ANKS1B: variants seen among roughly 807,000 people sequenced by gnomAD.
ANKS1B encodes ankyrin repeat and sterile alpha motif domain-containing protein 1B.
In ANKS1B, 36 loss-of-function variants were observed where a neutral mutation model predicts 148.3. The ratio of observed to expected loss-of-function variants is 0.24; its 90% CI spans 0.19 to 0.32. The LOEUF (loss-of-function observed/expected upper bound fraction) is 0.32, where lower values mean the gene tolerates loss of function less well. ANKS1B is among the 10% of genes least tolerant of loss of function. The pLI is 1.00. For synonymous variants in ANKS1B, 542 were observed against 560.8 expected (o/e 0.97, Z 0.47); for missense variants, 1,157 against 1,542.6 (o/e 0.75, Z 4.19).
chr12:98,904,581 T>G (rs976092465), intron 17 of ANKS1B, among the ~76,000 whole-genome samples: 4 of 152,238 alleles, frequency 2.6e-5, no homozygotes, highest in African/African-American at 7.2e-5. Context: ...ACTTTTATGT[T>G]CAGCCCTTAA....
At chr12:99,263,185 A>G (rs1197253495) in intron 12 of ANKS1B, among the ~76,000 whole-genome samples, 2 of 152,040 alleles carry the variant, frequency 1.3e-5, no homozygotes, top group East Asian at 3.9e-4. Context: ...GAAGCACATG[A>G]ACAAGGTACC....
At chr12:99,155,715 T>TTAAGA (rs1245793061) in intron 14 of ANKS1B, among the ~76,000 whole-genome samples, 1 of 152,212 alleles carries the variant, frequency 6.6e-6, no homozygotes, top group Non-Finnish European at 1.5e-5. Flanking sequence ...AAACAGACTC[T>TTAAGA]TAAGATTGGG....
intron 15 of ANKS1B, among the ~76,000 whole-genome samples, chr12:99,085,543 A>C (rs757691057): frequency 3.9e-5 from 6 of 152,136 alleles, no homozygotes; most frequent in Admixed American, 1.3e-4. Flanking sequence ...TATATTAGGC[A>C]GGTTAAAAGT....
At chr12:99,893,072 A>G (rs547153219) in intron 1 of ANKS1B, among the ~76,000 whole-genome samples, 4 of 152,212 alleles carry the variant, frequency 2.6e-5, no homozygotes, top group African/African-American at 9.6e-5. Flanking sequence ...TGAGTCATTA[A>G]TTGGTAGAGA....
At position 99,013,183 on chromosome 12, in the gene ANKS1B, GACA is replaced by G. The variant is rs368593872; in HGVS notation, c.2778+39971_2778+39973del. 3.7e-4 allele frequency among the ~76,000 whole-genome samples: 57 copies of G among 152,256 alleles called. No homozygotes were observed. In the East Asian group the frequency reaches 9.3e-3, roughly 25 times the overall value. The stretch of plus-strand genomic sequence containing the variant: ...CACAGTCATTAATCCTGGGTGCCCA[GACA>G]CATTCCATTAGAGGATTTTGGCAAC... On this transcript the variant is annotated intron_variant, in intron 17 of 26. Coordinates refer to ENST00000683438, the MANE Select transcript of ANKS1B (RefSeq NM_001352186.2).
intron 6 of ANKS1B, among the ~76,000 whole-genome samples, chr12:99,779,341 T>A (rs776001265): frequency 6.6e-6 from 1 of 152,226 alleles, no homozygotes; most frequent in Non-Finnish European, 1.5e-5. Flanking sequence ...ACAATTTTTG[T>A]TATTATTGAT....
At chr12:99,253,226 G>GAA (rs1196450299) in intron 12 of ANKS1B, among the ~76,000 whole-genome samples, 1 of 138,950 alleles carries the variant, frequency 7.2e-6, no homozygotes. Flanking sequence ...ACCTTCTCTA[G>GAA]AAAAAAAAAA....
chr12:99,960,760 T>C (rs567875769), intron 1 of ANKS1B, among the ~76,000 whole-genome samples: 2 of 152,246 alleles, frequency 1.3e-5, no homozygotes, highest in South Asian at 2.1e-4. Flanking sequence ...AAAATAGTAA[T>C]AATGGCAGAG....
At chr12:98,986,065 GCTTA>G (rs965495556) in intron 17 of ANKS1B, among the ~76,000 whole-genome samples, 3 of 151,760 alleles carry the variant, frequency 2.0e-5, no homozygotes, top group African/African-American at 7.3e-5. Flanking sequence ...TTGTTTTTTG[GCTTA>G]CTTATTTTTA....
chr12:99,183,968 T>A lies in ANKS1B; in HGVS notation c.2420-29573A>T, dbSNP rs190886758. On this transcript the variant is annotated intron_variant, in intron 14 of 26. Transcript: ENST00000683438. ...AAAAATTAATCAAAATGCAGTTTCA[T>A]ATAAATCAAATATACATTTCACTTA... 1.5e-3 allele frequency among the ~76,000 whole-genome samples: 226 copies of A among 152,330 alleles called. 4 individuals carry two copies. Among genetic ancestry groups the A allele is most frequent in the Non-Finnish European group, 3.8e-4 (26 of 68,034 alleles).
At chr12:99,854,230 C>T (rs1226312307) in intron 1 of ANKS1B, among the ~76,000 whole-genome samples, 1 of 152,022 alleles carries the variant, frequency 6.6e-6, no homozygotes, top group Non-Finnish European at 1.5e-5. Flanking sequence ...GCCAGGATGG[C>T]CTCGATCTCC....
At chr12:99,238,708 A>T (rs2088572313) in intron 14 of ANKS1B, among the ~76,000 whole-genome samples, 1 of 152,164 alleles carries the variant, frequency 6.6e-6, no homozygotes, top group South Asian at 2.1e-4. Flanking sequence ...CAAAGCTTCC[A>T]GAGGAAGGAT....
intron 1 of ANKS1B, among the ~76,000 whole-genome samples, chr12:99,876,794 G>C (rs929542664): frequency 6.6e-6 from 1 of 151,380 alleles, no homozygotes; most frequent in Non-Finnish European, 1.5e-5. Context: ...GTTTGGAAAA[G>C]TATAAGTATA....
At chr12:98,760,599 C>T (rs77765981) in intron 25 of ANKS1B, among the ~76,000 whole-genome samples, 1 of 152,320 alleles carries the variant, frequency 6.6e-6, no homozygotes, top group East Asian at 1.9e-4. Context: ...TGTCATGGCT[C>T]ACCTCTATGT....
At chr12:98,776,445 TC>T (rs2153494101) in intron 24 of ANKS1B, among the ~76,000 whole-genome samples, 1 of 152,352 alleles carries the variant, frequency 6.6e-6, no homozygotes, top group African/African-American at 2.4e-5. Flanking sequence ...GAGGGGCTCC[TC>T]CTGCCTCTTC....
At chr12:99,030,701 T>C (rs1289172384) in intron 17 of ANKS1B, among the ~76,000 whole-genome samples, 2 of 152,214 alleles carry the variant, frequency 1.3e-5, no homozygotes, top group Non-Finnish European at 2.9e-5. Context: ...TGCTTTCAAT[T>C]AGAATGCGAA....
At chr12:99,168,868 G>A (rs908914860) in intron 14 of ANKS1B, among the ~76,000 whole-genome samples, 1 of 152,106 alleles carries the variant, frequency 6.6e-6, no homozygotes, top group East Asian at 1.9e-4. Flanking sequence ...TGAGATAAAT[G>A]TGTTATTTCA....
chr12:99,744,991 CAAAAA>C (rs55904412), intron 8 of ANKS1B, among the ~76,000 whole-genome samples: 3 of 52,078 alleles, frequency 5.8e-5, no homozygotes, highest in African/African-American at 2.6e-4. Context: ...GACTCTGTCT[CAAAAA>C]AAAAAAAAAA....
chr12:98,753,983 G>A (rs574865030), intron 25 of ANKS1B, among the ~76,000 whole-genome samples: 45 of 152,284 alleles, frequency 3.0e-4, no homozygotes, highest in African/African-American at 1.0e-3. Flanking sequence ...TGGGAAAGAG[G>A]CCCAAGGGTT....
Sources: gnomAD v4.1 joint callset for allele counts (sites outside exome capture counted in the v4.1 genomes callset) on GRCh38, gnomAD v4.1.1 for gene constraint, MANE v1.5 for transcripts, NCBI Gene and HGNC (gene_info 2026-07-23, HGNC 2026-07-21) for gene names.